Variants in STXBP6 observed in about 807,000 individuals in gnomAD.
The protein encoded by STXBP6 is syntaxin binding protein 6, also known as syntaxin-binding protein 6.
STXBP6 carries 21 observed loss-of-function variants against 26.9 expected under a neutral mutation model. The ratio of observed to expected loss-of-function variants is 0.78; its 90% CI spans 0.55 to 1.12. STXBP6 has a LOEUF of 1.12. Among genes scored for constraint, STXBP6 ranks in the 50% most tolerant of loss-of-function variants. STXBP6 has a pLI of 0.00. For missense variants in STXBP6, 232 were observed against 257.9 expected, an observed-to-expected ratio of 0.90 and a Z score of 0.69; for synonymous variants, 97 against 92.6, an observed-to-expected ratio of 1.05 and a Z score of -0.27.
intron 4 of STXBP6, among the ~76,000 whole-genome samples, chr14:24,833,919 T>C (rs1310389746): frequency 1.3e-5 from 2 of 152,234 alleles, no homozygotes; most frequent in South Asian, 2.1e-4. Context: ...GTTTATTCCA[T>C]TTAGAATATA....
intron 4 of STXBP6, among the ~76,000 whole-genome samples, chr14:24,824,596 A>T (rs2068231365): frequency 6.6e-6 from 1 of 152,212 alleles, no homozygotes; most frequent in Admixed American, 6.5e-5. Flanking sequence ...CTGCATTTCA[A>T]TGTTGGATAA....
intron 2 of STXBP6, among the ~76,000 whole-genome samples, chr14:24,942,551 G>A (rs2072840342): frequency 6.6e-6 from 1 of 152,266 alleles, no homozygotes; most frequent in African/African-American, 2.4e-5. Context: ...ATGCATGAAT[G>A]GTGTTCTCTC....
intron 1 of STXBP6, among the ~76,000 whole-genome samples, chr14:24,980,587 A>G (rs1032332235): frequency 3.3e-5 from 5 of 152,204 alleles, no homozygotes; most frequent in African/African-American, 9.7e-5. Flanking sequence ...TAAAAGTACA[A>G]TCACTTCAAG....
At chr14:25,026,309 GA>G (rs569808454) in intron 1 of STXBP6, among the ~76,000 whole-genome samples, 2 of 151,596 alleles carry the variant, frequency 1.3e-5, no homozygotes, top group South Asian at 2.1e-4. Context: ...GTTGTCAACT[GA>G]AAAAAAAGCT....
At chr14:25,018,841 A>C (rs1178276276) in intron 1 of STXBP6, among the ~76,000 whole-genome samples, 1 of 152,216 alleles carries the variant, frequency 6.6e-6, no homozygotes, top group African/African-American at 2.4e-5. Context: ...ACCCAGGCCC[A>C]ATAAGAATAG....
intron 2 of STXBP6, among the ~76,000 whole-genome samples, chr14:24,875,702 T>C (rs2070114032): frequency 6.6e-6 from 1 of 152,208 alleles, no homozygotes; most frequent in South Asian, 2.1e-4. Context: ...CTGCCAACAC[T>C]TGAATCATAA....
chr14:24,906,954 T>TA (rs1049414244), intron 2 of STXBP6, among the ~76,000 whole-genome samples: 3 of 151,712 alleles, frequency 2.0e-5, no homozygotes, highest in African/African-American at 4.8e-5. Context: ...ATGTGGGAAC[T>TA]AAAAAAAAGT....
At chr14:24,947,151 G>C (rs1448595395) in intron 2 of STXBP6, among the ~76,000 whole-genome samples, 4 of 152,100 alleles carry the variant, frequency 2.6e-5, no homozygotes, top group African/African-American at 9.7e-5. Flanking sequence ...AAGGTGAAAG[G>C]GGTCTTTGGA....
At chr14:25,028,488 T>G (rs2075390246) in intron 1 of STXBP6, among the ~76,000 whole-genome samples, 1 of 151,626 alleles carries the variant, frequency 6.6e-6, no homozygotes, top group Non-Finnish European at 1.5e-5. Context: ...TTAAGCTCAT[T>G]GTTGAGACTG....
intron 2 of STXBP6, among the ~76,000 whole-genome samples, chr14:24,923,466 C>A (rs1263686140): frequency 6.6e-6 from 1 of 152,072 alleles, no homozygotes; most frequent in Admixed American, 6.6e-5. Context: ...TTGTCAGTTT[C>A]TTTATGGTAT....
chr14:24,907,851 C>T (rs1203010107), intron 2 of STXBP6, among the ~76,000 whole-genome samples: 1 of 151,944 alleles, frequency 6.6e-6, no homozygotes, highest in Non-Finnish European at 1.5e-5. Context: ...CTCCTCCTCT[C>T]TTAGATTGCT....
At chr14:24,954,494 C>T (rs2073274230) in intron 2 of STXBP6, among the ~76,000 whole-genome samples, 1 of 152,150 alleles carries the variant, frequency 6.6e-6, no homozygotes, top group African/African-American at 2.4e-5. Context: ...ACAGCGGAAT[C>T]TTTACTATGT....
chr14:25,004,459 G>T (rs567986414), intron 1 of STXBP6, among the ~76,000 whole-genome samples: 1 of 152,296 alleles, frequency 6.6e-6, no homozygotes, highest in South Asian at 2.1e-4. Flanking sequence ...ACTAAGCATG[G>T]GTGTGTACTG....
intron 2 of STXBP6, among the ~76,000 whole-genome samples, chr14:24,967,366 G>A (rs1415931030): frequency 6.6e-6 from 1 of 152,182 alleles, no homozygotes. Context: ...TGCATGGCAG[G>A]TGCTGCCCTG....
intron 2 of STXBP6, among the ~76,000 whole-genome samples, chr14:24,908,127 A>G (rs889201779): frequency 1.3e-5 from 2 of 151,708 alleles, no homozygotes; most frequent in Admixed American, 6.6e-5. Context: ...GCTAATCCAC[A>G]CCTCCTTAAG....
intron 2 of STXBP6, among the ~76,000 whole-genome samples, chr14:24,870,803 A>G (rs1437711533): frequency 6.6e-6 from 1 of 152,116 alleles, no homozygotes; most frequent in Non-Finnish European, 1.5e-5. Context: ...TCCTCCATTG[A>G]CCCTAGCTGA....
chr14:24,917,322 C>A (rs1206266385), intron 2 of STXBP6, among the ~76,000 whole-genome samples: 1 of 151,942 alleles, frequency 6.6e-6, no homozygotes, highest in Non-Finnish European at 1.5e-5. Flanking sequence ...CACTTTTTGG[C>A]AAAGTATTGG....
At position 24,977,777 on chromosome 14, in the gene STXBP6, C is replaced by G. The variant is rs950607203; in HGVS notation, c.-32-2927G>C. 1.4e-4 allele frequency among the ~76,000 whole-genome samples: 22 copies of G among 152,148 alleles called. 1 individual carries two copies. The highest frequency in any genetic ancestry group is 5.1e-4 in the African/African-American group (21 of 41,434). ...AATTGAGTAAATGCAGCAATCTATA[C>G]CAAAGGTATTTGTAAAAGTGAAACC... On this transcript the variant is annotated intron_variant, in intron 1 of 5. Coordinates refer to ENST00000323944, the MANE Select transcript of STXBP6 (RefSeq NM_001394410.1).
chr14:24,843,066 T>C (rs561450835), intron 4 of STXBP6, among the ~76,000 whole-genome samples: 3 of 152,342 alleles, frequency 2.0e-5, no homozygotes, highest in East Asian at 1.9e-4. Flanking sequence ...ATTCTGGAGA[T>C]AGACTTGGGA....
Sources: gnomAD v4.1 joint callset for allele counts (sites outside exome capture counted in the v4.1 genomes callset) on GRCh38, gnomAD v4.1.1 for gene constraint, MANE v1.5 for transcripts, NCBI Gene and HGNC (gene_info 2026-07-23, HGNC 2026-07-21) for gene names.